The following VTI1B variants were observed in gnomAD, a reference collection of about 807,000 sequenced individuals.
VTI1B encodes the protein vesicle transport through interaction with t-SNAREs 1B.
A neutral mutation model predicts 28.6 loss-of-function variants in VTI1B; 18 were observed. The observed-to-expected ratio is 0.63, with a 90% CI of 0.43 to 0.93. The LOEUF (loss-of-function observed/expected upper bound fraction) is 0.93, where lower values mean the gene tolerates loss of function less well. Ranked by LOEUF, VTI1B falls within the 40% of genes least tolerant of loss-of-function variation. The pLI is 0.00. For synonymous variants in VTI1B, 100 were observed against 107.9 expected, an observed-to-expected ratio of 0.93 and a Z score of 0.46; for missense variants, 283 against 297.0, an observed-to-expected ratio of 0.95 and a Z score of 0.35.
Position 67,651,308 on chromosome 14 carries a change from C to A in VTI1B, c.*77G>T. The A allele has an allele frequency of 2.5e-6, 4 of 1,608,276 alleles. No individual in the cohort carries two copies. Among genetic ancestry groups the A allele is most frequent in the Non-Finnish European group, 3.4e-6 (4 of 1,176,968 alleles). Reference sequence around the variant, plus strand: ...ACTGTCAGCCCACAGCAGCAATATGCTTATTCTATCCACATCCCTAACATC... The same window carrying A: ...ACTGTCAGCCCACAGCAGCAATATGATTATTCTATCCACATCCCTAACATC... On this transcript the variant is annotated 3_prime_UTR_variant, in exon 6 of 6. Coordinates refer to ENST00000554659, the MANE Select transcript of VTI1B (RefSeq NM_006370.3).
chr14:67,651,951 G>A (rs1031951611), intron 5 of VTI1B, among the ~76,000 whole-genome samples: 6 of 152,178 alleles, frequency 3.9e-5, no homozygotes, highest in African/African-American at 7.2e-5. Flanking sequence ...TAGTATAGGA[G>A]CTTAAAAATT....
At position 67,647,170 on chromosome 14, in the gene VTI1B, AAC is replaced by A. The variant is rs1295093293; in HGVS notation, c.*4213_*4214del. ...AATAGTTCAGAAAGGCAAAATTTGA[AAC>A]ACAGGTCATATTCTTCCTCTGGGGT... On this transcript the variant is annotated 3_prime_UTR_variant, in exon 6 of 6. Coordinates refer to ENST00000554659, the MANE Select transcript of VTI1B (RefSeq NM_006370.3). 6 of 565,780 alleles carry A rather than the reference AAC, an allele frequency of 1.1e-5. No individual in the cohort carries two copies. The highest frequency in any genetic ancestry group is 2.9e-5 in the East Asian group (1 of 34,396). 35.0% of individuals were successfully genotyped at this position (565,780 alleles called of 1,614,324 possible). A position where few individuals can be genotyped will look rare whatever the true frequency, so the allele number is the denominator to read the frequency against.
chr14:67,661,611 C>T (rs2037336041), intron 2 of VTI1B, among the ~76,000 whole-genome samples: 1 of 147,842 alleles, frequency 6.8e-6, no homozygotes, highest in African/African-American at 2.5e-5. Context: ...TGGCTAACCA[C>T]ATGCTTGACC....
intron 1 of VTI1B, among the ~76,000 whole-genome samples, chr14:67,667,169 A>C (rs974742785): frequency 2.0e-5 from 3 of 152,180 alleles, no homozygotes; most frequent in Non-Finnish European, 4.4e-5. Context: ...GCTCTGAAAA[A>C]CAGCACTACA....
intron 1 of VTI1B, among the ~76,000 whole-genome samples, chr14:67,667,965 C>CA (rs1372472625): frequency 2.0e-5 from 3 of 151,436 alleles, no homozygotes; most frequent in Admixed American, 6.6e-5. Flanking sequence ...AACAAACAAA[C>CA]AAAAAAAATG....
At chr14:67,653,345 G>A in intron 5 of VTI1B, 92 bp downstream of exon 5, 1 of 1,091,114 alleles carries the variant, frequency 9.2e-7, no homozygotes, top group Non-Finnish European at 1.4e-6. Context: ...CTGCTGAGGT[G>A]CTTTATGAGG....
Position 67,647,835 on chromosome 14 carries a change from C to T in VTI1B, c.*3550G>A, listed in dbSNP as rs781181111. ...TGTCTGAGGTATGCAGAACAAATGG[C>T]AGTATCATGAAGTGGTATGTAGGAA... is the stretch of plus-strand genomic sequence containing the variant. On this transcript the variant is annotated 3_prime_UTR_variant, in exon 6 of 6. Transcript: ENST00000554659. 17 of 562,454 alleles carry T rather than the reference C, an allele frequency of 3.0e-5. No individual in the cohort carries two copies. The highest frequency in any genetic ancestry group is 4.7e-5 in the Non-Finnish European group (15 of 317,918). The allele number at this position is 562,454 out of a possible 1,614,324, so 34.8% of individuals were successfully genotyped here.
chr14:67,674,446 T>C lies in VTI1B; in HGVS notation c.44A>G (p.His15Arg), dbSNP rs1486249941. The C allele has an allele frequency of 2.5e-6, 4 of 1,609,360 alleles. No individual in the cohort carries two copies. Among genetic ancestry groups the C allele is most frequent in the Non-Finnish European group, 3.4e-6 (4 of 1,178,884 alleles). ...TTCATGGAGGCCGCGGAAGATCTCG[T>C]GCAGCTTCTCGAAATGCTCCGAGGA... ...AASSEHFEKL[H>R]EIFRGLHEDL... is the part of the protein sequence containing the mutation. Residue 15 changes from histidine to arginine, a missense_variant, in exon 1 of 6, where the codon CAC becomes CGC. By Grantham distance (29) the His-to-Arg change is conservative (BLOSUM62 0). Transcript: ENST00000554659.
At position 67,651,038 on chromosome 14, in the gene VTI1B, A is replaced by G; in HGVS notation, c.*347T>C. The G allele has an allele frequency of 8.9e-7, 1 of 1,129,564 alleles. No homozygotes were observed. The highest frequency in any genetic ancestry group is 1.3e-6 in the Non-Finnish European group (1 of 789,090). The allele number at this position is 1,129,564 out of a possible 1,614,324, so 70.0% of individuals were successfully genotyped here. ...ATACTGCCTTAATGAGAACATTTAC[A>G]CATTCTCACAATTGTAAAGTTTCCC... On this transcript the variant is annotated 3_prime_UTR_variant, in exon 6 of 6. Coordinates refer to ENST00000554659, the MANE Select transcript of VTI1B (RefSeq NM_006370.3).
intron 1 of VTI1B, among the ~76,000 whole-genome samples, chr14:67,662,869 C>T (rs1446225229): frequency 6.9e-6 from 1 of 145,804 alleles, no homozygotes; most frequent in East Asian, 2.0e-4. Flanking sequence ...CGCCATTGCA[C>T]TCCAGCCTGG....
Position 67,647,806 on chromosome 14 carries a change from A to T in VTI1B, c.*3579T>A, listed in dbSNP as rs2037120097. On this transcript the variant is annotated 3_prime_UTR_variant, in exon 6 of 6. Coordinates refer to ENST00000554659, the MANE Select transcript of VTI1B (RefSeq NM_006370.3). Reference sequence around the variant, plus strand: ...TAAGGCAGAAATATACATTGGAGTTAGTCTGTCTGAGGTATGCAGAACAAA... The same window carrying T: ...TAAGGCAGAAATATACATTGGAGTTTGTCTGTCTGAGGTATGCAGAACAAA... The T allele has an allele frequency of 2.0e-6, 1 of 493,684 alleles. No individual in the cohort carries two copies. Among genetic ancestry groups the T allele is most frequent in the African/African-American group, 1.9e-5 (1 of 51,780 alleles). The allele number at this position is 493,684 out of a possible 1,614,324, so 30.6% of individuals were successfully genotyped here.
intron 2 of VTI1B, chr14:67,660,236 T>TAGG (rs2037318863): frequency 1.1e-5 from 2 of 183,284 alleles, no homozygotes; most frequent in African/African-American, 4.7e-5. Flanking sequence ...ATCAATAAGG[T>TAGG]AGGAAATGCT....
At chr14:67,672,687 C>T (rs1321079488) in intron 1 of VTI1B, among the ~76,000 whole-genome samples, 1 of 152,072 alleles carries the variant, frequency 6.6e-6, no homozygotes, top group East Asian at 1.9e-4. Context: ...AAGTGATCCG[C>T]CCGCCTCGGC....
chr14:67,650,811 T>C lies in VTI1B; in HGVS notation c.*574A>G, dbSNP rs754563616. ...ACAGCTAACCTGGCAGTAGATGTGA[T>C]TGCTTCAAGCTTTGGTCAGACAAGA... is the stretch of plus-strand genomic sequence containing the variant. On this transcript the variant is annotated 3_prime_UTR_variant, in exon 6 of 6. Transcript: ENST00000554659. 5.0e-6 allele frequency: 8 copies of C among 1,614,060 alleles called. No individual in the cohort carries two copies. Among genetic ancestry groups the C allele is most frequent in the South Asian group, 1.1e-5 (1 of 91,092 alleles).
chr14:67,673,377 G>T (rs1295035279), intron 1 of VTI1B, among the ~76,000 whole-genome samples: 1 of 151,910 alleles, frequency 6.6e-6, no homozygotes, highest in Non-Finnish European at 1.5e-5. Context: ...AAATAAAACT[G>T]AAGTCCCATC....
At chr14:67,667,810 G>C (rs983644372) in intron 1 of VTI1B, among the ~76,000 whole-genome samples, 1 of 152,112 alleles carries the variant, frequency 6.6e-6, no homozygotes, top group Admixed American at 6.5e-5. Context: ...CCGGCGTGGT[G>C]GTGGGCGCCT....
intron 1 of VTI1B, 65 bp from the exon 2 acceptor site, chr14:67,662,600 C>T: frequency 7.0e-7 from 1 of 1,432,326 alleles, no homozygotes; most frequent in Non-Finnish European, 9.6e-7. Flanking sequence ...AGGCCATTCC[C>T]TCTGCTTCGA....
Position 67,649,517 on chromosome 14 carries a change from T to TATTTC in VTI1B, c.*1863_*1867dup, listed in dbSNP as rs2140789104. ...AGTCTGGAAACATAAGTCATGTATA[T>TATTTC]ATTTCTAATAGTGCAAACTTTGATG... On this transcript the variant is annotated 3_prime_UTR_variant, in exon 6 of 6. Coordinates refer to ENST00000554659, the MANE Select transcript of VTI1B (RefSeq NM_006370.3). The TATTTC allele has an allele frequency of 6.6e-6, 1 of 152,254 alleles. No individual in the cohort carries two copies. Among genetic ancestry groups the TATTTC allele is most frequent in the South Asian group, 2.1e-4 (1 of 4,830 alleles). 9.4% of individuals were successfully genotyped at this position (152,254 alleles called of 1,614,324 possible).
intron 1 of VTI1B, among the ~76,000 whole-genome samples, chr14:67,672,384 G>A (rs1241087209): frequency 6.6e-6 from 1 of 151,620 alleles, no homozygotes; most frequent in East Asian, 1.9e-4. Context: ...TTCCCCAAGT[G>A]CTGGGATTAC....
Sources: gnomAD v4.1 joint callset for allele counts (sites outside exome capture counted in the v4.1 genomes callset) on GRCh38, gnomAD v4.1.1 for gene constraint, MANE v1.5 for transcripts, NCBI Gene and HGNC (gene_info 2026-07-23, HGNC 2026-07-21) for gene names.